Variants in DHX8 observed in about 807,000 individuals in gnomAD.
DHX8 encodes the protein ATP-dependent RNA helicase DHX8.
DHX8 carries 67 observed loss-of-function variants against 140.7 expected under a neutral mutation model. That is an observed-to-expected ratio of 0.48 (90% CI 0.39 to 0.58). The LOEUF (loss-of-function observed/expected upper bound fraction) is 0.58. Ranked by LOEUF, DHX8 falls within the 20% of genes least tolerant of loss-of-function variation. The pLI is 0.00. For missense variants in DHX8, 887 were observed against 1,550.7 expected (o/e 0.57, Z 7.19); for synonymous variants, 533 against 553.2 (o/e 0.96, Z 0.51).
At chr17:43,528,536 C>A, downstream of DHX8, 3 of 1,611,346 alleles carry the variant, frequency 1.9e-6, no homozygotes, top group Non-Finnish European at 8.5e-7. Context: ...GAGTAGCCAC[C>A]CTTGGGGCCA....
intron 3 of DHX8, among the ~76,000 whole-genome samples, chr17:43,539,987 C>T (rs1598213310): frequency 2.0e-5 from 3 of 152,180 alleles, no homozygotes; most frequent in Non-Finnish European, 2.9e-5. Context: ...GACAAGTCAA[C>T]ATAATAATAC....
chr17:43,517,399 T>C, intron 18 of DHX8, 77 bp downstream of exon 18: 2 of 1,496,548 alleles, frequency 1.3e-6, no homozygotes, highest in Non-Finnish European at 1.8e-6. Context: ...TTCAGTTTTA[T>C]GAACCTTGTT....
At chr17:43,509,958 T>G (rs1006623412) in intron 16 of DHX8, among the ~76,000 whole-genome samples, 4 of 151,158 alleles carry the variant, frequency 2.6e-5, no homozygotes, top group Non-Finnish European at 5.9e-5. Flanking sequence ...CGTGAGCCAC[T>G]GCGCCCAGCC....
At chr17:43,502,364 G>A (rs1341897314) in intron 11 of DHX8, among the ~76,000 whole-genome samples, 1 of 152,134 alleles carries the variant, frequency 6.6e-6, no homozygotes, top group Non-Finnish European at 1.5e-5. Flanking sequence ...ACCAGTCTGG[G>A]CAACATAGTA....
downstream of DHX8, chr17:43,528,586 G>C (rs746585925): frequency 8.1e-6 from 13 of 1,613,960 alleles, no homozygotes; most frequent in East Asian, 2.2e-4. Context: ...GAGGTAGGCG[G>C]GGCTCTCATC....
intron 9 of DHX8, 39 bp from the exon 10 acceptor site, chr17:43,498,823 C>T (rs1453312340): frequency 1.3e-6 from 2 of 1,502,226 alleles, no homozygotes; most frequent in Non-Finnish European, 1.8e-6. Context: ...GTTATTTTTT[C>T]TTGTTTATGG....
chr17:43,538,440 G>A (rs1375527309), intron 3 of DHX8, among the ~76,000 whole-genome samples: 1 of 152,222 alleles, frequency 6.6e-6, no homozygotes, highest in Non-Finnish European at 1.5e-5. Flanking sequence ...CAGCTAAGGA[G>A]GGGAGGGATT....
chr17:43,542,789 A>C (rs567003288), intron 3 of DHX8, among the ~76,000 whole-genome samples: 2 of 151,944 alleles, frequency 1.3e-5, no homozygotes, highest in Admixed American at 6.6e-5. Flanking sequence ...ACCCACCCAC[A>C]CTACCAGGAC....
downstream of DHX8, chr17:43,528,298 C>T: frequency 2.1e-6 from 1 of 484,726 alleles, no homozygotes; most frequent in Non-Finnish European, 3.7e-6. Flanking sequence ...GGTGAAACCC[C>T]CAGGGGAGTT....
chr17:43,533,199 A>T (rs1446359888), intron 2 of DHX8: 2 of 1,613,370 alleles, frequency 1.2e-6, no homozygotes, highest in South Asian at 2.2e-5. Context: ...ATGTTCCCCG[A>T]GGTACCCATG....
intron 3 of DHX8, among the ~76,000 whole-genome samples, chr17:43,543,707 C>A (rs1414175423): frequency 6.6e-6 from 1 of 152,204 alleles, no homozygotes; most frequent in African/African-American, 2.4e-5. Context: ...GCATGCAGGA[C>A]TTGCAGGGTC....
chr17:43,543,090 T>TC (rs952902719), intron 3 of DHX8, among the ~76,000 whole-genome samples: 7 of 150,612 alleles, frequency 4.6e-5, no homozygotes, highest in African/African-American at 1.7e-4. Context: ...GGCCTCAGCA[T>TC]CCCCCCCTCA....
downstream of DHX8, chr17:43,528,610 G>A (rs934174982): frequency 9.9e-6 from 16 of 1,614,224 alleles, no homozygotes; most frequent in Non-Finnish European, 1.3e-5. Context: ...GTGGGACAAA[G>A]GGACTGTGTC....
intron 3 of DHX8, among the ~76,000 whole-genome samples, chr17:43,540,178 TGTG>T (rs1310937457): frequency 6.6e-6 from 1 of 152,132 alleles, no homozygotes; most frequent in African/African-American, 2.4e-5. Flanking sequence ...TACAGCCAGG[TGTG>T]GTGGCTCACG....
At chr17:43,500,163 G>A in intron 11 of DHX8, 60 bp downstream of exon 11, 1 of 1,571,468 alleles carries the variant, frequency 6.4e-7, no homozygotes, top group Non-Finnish European at 8.7e-7. Flanking sequence ...TCAGAACACA[G>A]GGAGGGGTCA....
downstream of DHX8, chr17:43,544,724 A>G (rs1443953695): frequency 1.5e-5 from 6 of 411,632 alleles, no homozygotes; most frequent in Admixed American, 3.7e-5. Context: ...ACCCCACACA[A>G]TGGTCTGATT....
chr17:43,510,033 T>TTTTG (rs72490644), intron 16 of DHX8, among the ~76,000 whole-genome samples: 27,283 of 151,172 alleles, frequency 0.18, 2,697 homozygotes, highest in Non-Finnish European at 0.22. Context: ...ATTTACTGTT[T>TTTTG]TTTGTTTGTT....
At chr17:43,502,099 G>A (rs1161332214) in intron 11 of DHX8, among the ~76,000 whole-genome samples, 3 of 152,180 alleles carry the variant, frequency 2.0e-5, no homozygotes, top group Admixed American at 1.3e-4. Flanking sequence ...GTCAAATTCC[G>A]TTTTGGACTT....
chr17:43,527,129 G>T (rs961227470), downstream of DHX8, among the ~76,000 whole-genome samples: 1 of 152,078 alleles, frequency 6.6e-6, no homozygotes, highest in African/African-American at 2.4e-5. Context: ...TCCTCCATAG[G>T]TGTCACCATG....
Sources: allele counts gnomAD v4.1 joint callset (sites outside exome capture counted in the v4.1 genomes callset), GRCh38; gene constraint gnomAD v4.1.1; transcripts MANE v1.5; gene names NCBI Gene and HGNC (gene_info 2026-07-23, HGNC 2026-07-21).